The following PLEKHA5 variants were observed in gnomAD, a reference collection of about 807,000 sequenced individuals.
PLEKHA5 encodes pleckstrin homology domain-containing family A member 5.
PLEKHA5 carries 55 observed loss-of-function variants against 181.9 expected under a neutral mutation model. The observed-to-expected ratio is 0.30, with a 90% CI of 0.24 to 0.38. PLEKHA5 has a LOEUF of 0.38. PLEKHA5 is among the 10% of genes least tolerant of loss of function. The pLI, the probability that PLEKHA5 is intolerant of heterozygous loss-of-function variation, is 1.00. For missense variants in PLEKHA5, 1,432 were observed against 1,549.5 expected, an observed-to-expected ratio of 0.92 and a Z score of 1.27; for synonymous variants, 535 against 529.4, an observed-to-expected ratio of 1.01 and a Z score of -0.15.
intron 3 of PLEKHA5, among the ~76,000 whole-genome samples, chr12:19,185,234 T>C (rs1178947656): frequency 6.6e-6 from 1 of 152,138 alleles, no homozygotes; most frequent in Non-Finnish European, 1.5e-5. Flanking sequence ...AACTCACATT[T>C]ACCTTGGAGA....
intron 4 of PLEKHA5, 64 bp downstream of exon 4, chr12:19,254,087 T>C: frequency 1.1e-6 from 1 of 930,126 alleles, no homozygotes; most frequent in Non-Finnish European, 1.7e-6. Context: ...ATTGCTGTTA[T>C]TTATATTTCA....
At chr12:19,362,236 A>C (rs1188322202) in intron 29 of PLEKHA5, among the ~76,000 whole-genome samples, 3 of 151,112 alleles carry the variant, frequency 2.0e-5, no homozygotes, top group Non-Finnish European at 2.9e-5. Flanking sequence ...GTAAAGATTA[A>C]TACGAAAACA....
intron 3 of PLEKHA5, among the ~76,000 whole-genome samples, chr12:19,191,339 T>C (rs1377197141): frequency 1.3e-5 from 2 of 152,176 alleles, no homozygotes; most frequent in East Asian, 3.9e-4. Flanking sequence ...TATGTAGAAA[T>C]CAAACTGTTA....
chr12:19,134,201 G>C (rs772847491), intron 3 of PLEKHA5, among the ~76,000 whole-genome samples: 1 of 151,940 alleles, frequency 6.6e-6, no homozygotes, highest in Non-Finnish European at 1.5e-5. Flanking sequence ...TGTTTTACGA[G>C]CCATTTTGAT....
chr12:19,313,361 C>T (rs1238223604), intron 15 of PLEKHA5, among the ~76,000 whole-genome samples: 1 of 152,122 alleles, frequency 6.6e-6, no homozygotes, highest in Non-Finnish European at 1.5e-5. Flanking sequence ...GGCAACAGAT[C>T]ACCGTAACAC....
chr12:19,223,019 T>TC (rs2059204558), intron 3 of PLEKHA5, among the ~76,000 whole-genome samples: 1 of 114,188 alleles, frequency 8.8e-6, no homozygotes, highest in African/African-American at 2.8e-5. Context: ...TTTTTTTTTT[T>TC]CATTGTTGTG....
intron 3 of PLEKHA5, among the ~76,000 whole-genome samples, chr12:19,190,152 T>C (rs1389650016): frequency 6.6e-6 from 1 of 152,200 alleles, no homozygotes; most frequent in South Asian, 2.1e-4. Context: ...AAACCCAATC[T>C]TGAAATCCTC....
intron 26 of PLEKHA5, among the ~76,000 whole-genome samples, chr12:19,354,252 C>T (rs1404540987): frequency 1.5e-5 from 2 of 134,458 alleles, no homozygotes; most frequent in African/African-American, 5.4e-5. Context: ...CCCGGGTTCA[C>T]GCCATTCTCC....
intron 31 of PLEKHA5, chr12:19,373,403 G>C (rs1045318375): frequency 6.6e-6 from 1 of 150,796 alleles, no homozygotes; most frequent in Non-Finnish European, 1.5e-5. Context: ...AAAAATCTGG[G>C]TGTGGTGGCC....
At chr12:19,337,548 C>CAAA (rs1157232818) in intron 21 of PLEKHA5, among the ~76,000 whole-genome samples, 131 of 61,666 alleles carry the variant, frequency 2.1e-3, no homozygotes, top group Non-Finnish European at 3.1e-3. Context: ...GACTCTATCT[C>CAAA]AAAAAAAAAA....
At chr12:19,229,774 A>G (rs1565492164) in intron 3 of PLEKHA5, among the ~76,000 whole-genome samples, 1 of 152,092 alleles carries the variant, frequency 6.6e-6, no homozygotes, top group African/African-American at 2.4e-5. Context: ...TGATTGATCC[A>G]TTTTACAGAG....
intron 10 of PLEKHA5, among the ~76,000 whole-genome samples, chr12:19,273,336 T>C (rs1343178540): frequency 6.6e-6 from 1 of 152,198 alleles, no homozygotes; most frequent in Non-Finnish European, 1.5e-5. Context: ...TTCATAACTT[T>C]ACTCCAAGAA....
chr12:19,324,065 A>AAT (rs1158254785), intron 20 of PLEKHA5, among the ~76,000 whole-genome samples: 1 of 152,168 alleles, frequency 6.6e-6, no homozygotes, highest in Non-Finnish European at 1.5e-5. Flanking sequence ...ATGTTATATA[A>AAT]AACTGCTCCC....
At chr12:19,173,005 C>CTATT (rs2046301566) in intron 3 of PLEKHA5, among the ~76,000 whole-genome samples, 1 of 33,544 alleles carries the variant, frequency 3.0e-5, no homozygotes, top group Non-Finnish European at 5.2e-5. Flanking sequence ...ATTTCCCTTT[C>CTATT]TTTTTTTTTT....
At chr12:19,151,144 T>C (rs75561284) in intron 3 of PLEKHA5, 28 of 152,446 alleles carry the variant, frequency 1.8e-4, no homozygotes, top group African/African-American at 6.7e-4. Context: ...GGAATAAATA[T>C]CTGTTCTTTG....
At chr12:19,225,284 G>A (rs2152331227) in intron 3 of PLEKHA5, among the ~76,000 whole-genome samples, 1 of 152,250 alleles carries the variant, frequency 6.6e-6, no homozygotes, top group Non-Finnish European at 1.5e-5. Context: ...GTGTGTCAGA[G>A]CATGTAGTCC....
chr12:19,221,787 C>T (rs1047097745), intron 3 of PLEKHA5, among the ~76,000 whole-genome samples: 1 of 151,962 alleles, frequency 6.6e-6, no homozygotes, highest in African/African-American at 2.4e-5. Context: ...GAAAGACAAA[C>T]AAAACTACAT....
chr12:19,189,158 C>T (rs2050506042), intron 3 of PLEKHA5, among the ~76,000 whole-genome samples: 1 of 152,176 alleles, frequency 6.6e-6, no homozygotes, highest in African/African-American at 2.4e-5. Flanking sequence ...TGGAACTAGG[C>T]AAGCAAGATG....
intron 3 of PLEKHA5, among the ~76,000 whole-genome samples, chr12:19,206,795 C>G (rs2055649782): frequency 6.6e-6 from 1 of 152,114 alleles, no homozygotes; most frequent in Admixed American, 6.6e-5. Flanking sequence ...GGTGACAGGA[C>G]TCAAGAAATC....
Sources: allele counts gnomAD v4.1 joint callset (sites outside exome capture counted in the v4.1 genomes callset), GRCh38; gene constraint gnomAD v4.1.1; transcripts MANE v1.5; gene names NCBI Gene and HGNC (gene_info 2026-07-23, HGNC 2026-07-21).